Variants in NPAS3 observed in about 807,000 individuals in gnomAD.
NPAS3 encodes neuronal PAS domain protein 3.
A neutral mutation model predicts 73.1 loss-of-function variants in NPAS3; 14 were observed. The ratio of observed to expected loss-of-function variants is 0.19; its 90% CI spans 0.13 to 0.30. The LOEUF is 0.30. Among genes scored for constraint, NPAS3 ranks in the 10% least tolerant of loss-of-function variants. NPAS3 has a pLI of 1.00. For missense variants in NPAS3, 1,096 were observed against 1,250.0 expected, an observed-to-expected ratio of 0.88 and a Z score of 1.86; for synonymous variants, 620 against 541.5, an observed-to-expected ratio of 1.14 and a Z score of -2.01.
chr14:33,060,649 T>A (rs2041064089), intron 2 of NPAS3, among the ~76,000 whole-genome samples: 1 of 152,222 alleles, frequency 6.6e-6, no homozygotes, highest in Non-Finnish European at 1.5e-5. Context: ...TGAAATTCAT[T>A]CCACCTGGAT....
At chr14:33,762,231 G>A (rs941202675) in intron 7 of NPAS3, among the ~76,000 whole-genome samples, 11 of 151,920 alleles carry the variant, frequency 7.2e-5, no homozygotes, top group Non-Finnish European at 1.5e-4. Context: ...TTTGTATGTA[G>A]GTTTGTATTA....
intron 3 of NPAS3, among the ~76,000 whole-genome samples, chr14:33,325,634 C>A (rs1332492499): frequency 7.1e-6 from 1 of 140,328 alleles, no homozygotes; most frequent in African/African-American, 2.7e-5. Flanking sequence ...GGTGAGACTC[C>A]GTCTCAAAAA....
At chr14:33,169,970 C>T (rs929838327) in intron 2 of NPAS3, among the ~76,000 whole-genome samples, 2 of 152,114 alleles carry the variant, frequency 1.3e-5, no homozygotes, top group African/African-American at 4.8e-5. Context: ...TCTGATACAT[C>T]TTGTAGTTTT....
At chr14:33,760,774 G>A (rs2062260189) in intron 7 of NPAS3, among the ~76,000 whole-genome samples, 1 of 151,728 alleles carries the variant, frequency 6.6e-6, no homozygotes, top group African/African-American at 2.4e-5. Flanking sequence ...TGGCAATTAT[G>A]ATAGCACAAG....
In NPAS3 at chr14:33,498,928, G is replaced by C. The variant is rs940594165; in HGVS notation, c.469-61193G>C. Among the ~76,000 whole-genome samples the C allele has an allele frequency of 2.4e-3, 244 of 101,152 alleles. 4 individuals are homozygous for C. The highest frequency in any genetic ancestry group is 0.022 in the Admixed American group (230 of 10,300). 66.4% of individuals were successfully genotyped at this position (101,152 alleles called of 152,430 possible). ...TTTAAATGAATGAGAGAGAGAGACA[G>C]AGAGAGAGTGTGTGTGTGTGTGTGT... is the stretch of plus-strand genomic sequence containing the variant. On this transcript the variant is annotated intron_variant, in intron 4 of 11. Transcript: ENST00000356141.
intron 2 of NPAS3, among the ~76,000 whole-genome samples, chr14:33,113,578 A>G (rs1279325): frequency 0.65 from 98,588 of 151,516 alleles, 32,599 homozygotes; most frequent in East Asian, 0.78. Flanking sequence ...CTGAGACAAT[A>G]GGGTTTTCTA....
chr14:33,527,285 G>A (rs1035385156), intron 4 of NPAS3, among the ~76,000 whole-genome samples: 2 of 152,160 alleles, frequency 1.3e-5, no homozygotes, highest in African/African-American at 4.8e-5. Flanking sequence ...GCCCTATCCT[G>A]TACCCTGTAA....
At chr14:33,765,979 C>A (rs966316697) in intron 7 of NPAS3, among the ~76,000 whole-genome samples, 5 of 152,296 alleles carry the variant, frequency 3.3e-5, no homozygotes, top group African/African-American at 1.2e-4. Context: ...ATGTAAGAAC[C>A]ACTAACCCCA....
At chr14:33,648,132 C>T (rs537134938) in intron 5 of NPAS3, among the ~76,000 whole-genome samples, 36 of 152,308 alleles carry the variant, frequency 2.4e-4, no homozygotes, top group African/African-American at 8.4e-4. Context: ...CAGATCGAGA[C>T]TAGCAGCCTG....
intron 3 of NPAS3, among the ~76,000 whole-genome samples, chr14:33,314,610 TC>T (rs1391412160): frequency 6.6e-6 from 1 of 152,214 alleles, no homozygotes; most frequent in East Asian, 1.9e-4. Flanking sequence ...TAGATTATCA[TC>T]TAAATATAGA....
At chr14:33,072,887 A>G (rs1467335101) in intron 2 of NPAS3, among the ~76,000 whole-genome samples, 4 of 152,170 alleles carry the variant, frequency 2.6e-5, no homozygotes, top group Non-Finnish European at 4.4e-5. Context: ...CTTGTGACCC[A>G]TATTTTTGGT....
chr14:32,994,205 A>G (rs2038457736), intron 1 of NPAS3, among the ~76,000 whole-genome samples: 1 of 152,198 alleles, frequency 6.6e-6, no homozygotes, highest in South Asian at 2.1e-4. Flanking sequence ...TTCCATGAAT[A>G]CTTTAAATGT....
chr14:33,363,922 C>CTGTG (rs10627532), intron 3 of NPAS3, among the ~76,000 whole-genome samples: 6,314 of 148,682 alleles, frequency 0.042, 390 homozygotes, highest in African/African-American at 0.14. Flanking sequence ...GCAATGCCCT[C>CTGTG]TGTGTGTGTG....
chr14:33,325,639 CAA>C lies in NPAS3; in HGVS notation c.386-41529_386-41528del, dbSNP rs1164467989. 1.6e-4 allele frequency among the ~76,000 whole-genome samples: 10 copies of C among 62,034 alleles called. No individual in the cohort carries two copies. The East Asian group carries it at 1.7e-3, about 10-fold the overall frequency. 40.7% of individuals were successfully genotyped at this position (62,034 alleles called of 152,430 possible). ...TGGGTGACAGGGTGAGACTCCGTCT[CAA>C]AAAAAAAAAAAAAAAAAGTACAGTT... On this transcript the variant is annotated intron_variant, in intron 3 of 11. Transcript: ENST00000356141.
chr14:33,534,407 C>T (rs2054172675), intron 4 of NPAS3, among the ~76,000 whole-genome samples: 1 of 152,028 alleles, frequency 6.6e-6, no homozygotes, highest in South Asian at 2.1e-4. Context: ...CATTGGGAGT[C>T]AGGATTTGTT....
At chr14:33,566,321 C>A (rs551092891) in intron 5 of NPAS3, among the ~76,000 whole-genome samples, 1 of 151,940 alleles carries the variant, frequency 6.6e-6, no homozygotes, top group Non-Finnish European at 1.5e-5. Flanking sequence ...GTGACCTTAT[C>A]GTTCTCACCA....
intron 5 of NPAS3, among the ~76,000 whole-genome samples, chr14:33,597,802 A>C (rs1300446300): frequency 1.3e-5 from 2 of 152,176 alleles, no homozygotes; most frequent in East Asian, 3.9e-4. Context: ...TTAAAGGGTA[A>C]ATTCATTACT....
At chr14:33,486,753 C>G (rs538628904) in intron 4 of NPAS3, among the ~76,000 whole-genome samples, 1 of 152,276 alleles carries the variant, frequency 6.6e-6, no homozygotes, top group African/African-American at 2.4e-5. Context: ...CTCAGGCAGG[C>G]CTGGGGACTC....
chr14:33,787,428 CAGAT>C (rs1228191498), intron 9 of NPAS3, among the ~76,000 whole-genome samples: 1 of 152,070 alleles, frequency 6.6e-6, no homozygotes, highest in Non-Finnish European at 1.5e-5. Context: ...GTAAATCACA[CAGAT>C]AGCAATTCAA....
Sources: allele counts gnomAD v4.1 joint callset (sites outside exome capture counted in the v4.1 genomes callset), GRCh38; gene constraint gnomAD v4.1.1; transcripts MANE v1.5; gene names NCBI Gene and HGNC (gene_info 2026-07-23, HGNC 2026-07-21).